ANO5: variants seen among roughly 807,000 people sequenced by gnomAD.
ANO5 encodes the protein anoctamin-5.
A neutral mutation model predicts 121.0 loss-of-function variants in ANO5; 109 were observed. The observed-to-expected ratio is 0.90, with a 90% CI of 0.77 to 1.06. The LOEUF (loss-of-function observed/expected upper bound fraction) is 1.06. Among genes scored for constraint, ANO5 ranks in the 50% least tolerant of loss-of-function variants. The pLI is 0.00. For missense variants in ANO5, 1,064 were observed against 1,078.5 expected (o/e 0.99, Z 0.19); for synonymous variants, 406 against 359.9 (o/e 1.13, Z -1.45).
chr11:22,201,211 A>T (rs1274616527), intron 1 of ANO5, among the ~76,000 whole-genome samples: 1 of 152,150 alleles, frequency 6.6e-6, no homozygotes, highest in Non-Finnish European at 1.5e-5. Context: ...CTCCCTTGTC[A>T]GCTCGCTCAT....
At chr11:22,239,498 A>G in intron 8 of ANO5, 71 bp from the exon 9 acceptor site, 1 of 1,022,748 alleles carries the variant, frequency 9.8e-7, no homozygotes, top group Non-Finnish European at 1.6e-6. Context: ...TTCTTAGAAC[A>G]GCAGTGTTTA....
At chr11:22,228,993 C>A (rs1367072656) in intron 7 of ANO5, among the ~76,000 whole-genome samples, 1 of 151,900 alleles carries the variant, frequency 6.6e-6, no homozygotes, top group Non-Finnish European at 1.5e-5. Context: ...TAGGCATATA[C>A]CCAGTAATGG....
intron 17 of ANO5, among the ~76,000 whole-genome samples, chr11:22,268,475 T>C (rs909304884): frequency 2.6e-5 from 4 of 152,220 alleles, no homozygotes; most frequent in Non-Finnish European, 4.4e-5. Context: ...TGTGGGTGTA[T>C]AGGAATGAAA....
At chr11:22,205,810 A>C (rs573473916) in intron 2 of ANO5, among the ~76,000 whole-genome samples, 5 of 152,130 alleles carry the variant, frequency 3.3e-5, no homozygotes, top group Admixed American at 3.3e-4. Flanking sequence ...TAGATACCAA[A>C]AAGATAATAA....
chr11:22,207,865 C>A (rs575177704), intron 2 of ANO5, among the ~76,000 whole-genome samples: 15 of 151,736 alleles, frequency 9.9e-5, no homozygotes, highest in African/African-American at 3.6e-4. Context: ...AGAAAGTGGG[C>A]AAAATACATA....
intron 3 of ANO5, among the ~76,000 whole-genome samples, chr11:22,216,514 T>C (rs527948211): frequency 6.6e-6 from 1 of 152,012 alleles, no homozygotes; most frequent in African/African-American, 2.4e-5. Flanking sequence ...ACTGTTCAAA[T>C]CTTTTCTGCA....
At chr11:22,251,555 T>C (rs192076745) in intron 12 of ANO5, among the ~76,000 whole-genome samples, 2 of 152,198 alleles carry the variant, frequency 1.3e-5, no homozygotes, top group African/African-American at 4.8e-5. Context: ...AGTTAAAGTG[T>C]CATGAAGTTT....
intron 1 of ANO5, among the ~76,000 whole-genome samples, chr11:22,198,512 G>A (rs889068744): frequency 2.6e-5 from 4 of 152,012 alleles, no homozygotes; most frequent in Admixed American, 6.6e-5. Flanking sequence ...TAAATGCATC[G>A]CATCAAATTT....
intron 5 of ANO5, among the ~76,000 whole-genome samples, chr11:22,223,257 A>G (rs188608668): frequency 1.3e-5 from 2 of 152,172 alleles, no homozygotes; most frequent in East Asian, 3.9e-4. Context: ...CAGTGAAATG[A>G]TAAAAAGCAA....
intron 15 of ANO5, among the ~76,000 whole-genome samples, chr11:22,260,713 C>T (rs1410557916): frequency 6.6e-6 from 1 of 152,122 alleles, no homozygotes; most frequent in Non-Finnish European, 1.5e-5. Context: ...TTATCTGTGT[C>T]TTTAAAATAA....
chr11:22,196,531 T>C (rs1469704842), intron 1 of ANO5, among the ~76,000 whole-genome samples: 1 of 149,598 alleles, frequency 6.7e-6, no homozygotes, highest in Non-Finnish European at 1.5e-5. Context: ...AACATTCCAG[T>C]GGATTTTTAG....
chr11:22,227,562 T>C lies in ANO5; in HGVS notation c.624T>C (p.Phe208=). The C allele has an allele frequency of 6.2e-7, 1 of 1,613,446 alleles. No homozygotes were observed. The highest frequency in any genetic ancestry group is 1.7e-4 in the Middle Eastern group (1 of 6,052). Residue 208 remains phenylalanine (F), a synonymous_variant, in exon 7 of 22, where the codon TTT becomes TTC. Transcript: ENST00000324559. ...LFLIEDQATF[F]PSSSRNRIVY... ...TCATCGAAGATCAGGCAACCTTCTTTCCATCCTCATCAAGAAACAGAATTG... is the reference window on the plus strand; with the variant it reads ...TCATCGAAGATCAGGCAACCTTCTTCCCATCCTCATCAAGAAACAGAATTG...
intron 19 of ANO5, among the ~76,000 whole-genome samples, chr11:22,274,192 A>ACACACACACACACC (rs57239068): frequency 1.4e-5 from 2 of 146,246 alleles, no homozygotes; most frequent in South Asian, 4.3e-4. Flanking sequence ...ACACACACAC[A>ACACACACACACACC]CCCGCAGTCC....
intron 14 of ANO5, among the ~76,000 whole-genome samples, chr11:22,258,705 T>C (rs1854082488): frequency 6.6e-6 from 1 of 152,230 alleles, no homozygotes; most frequent in Admixed American, 6.5e-5. Flanking sequence ...TGATCTTGAT[T>C]CTACATCTTT....
chr11:22,246,366 C>T (rs748567495), intron 9 of ANO5, among the ~76,000 whole-genome samples: 1 of 152,128 alleles, frequency 6.6e-6, no homozygotes, highest in Admixed American at 6.6e-5. Context: ...CTTCACCTCT[C>T]TCCTGTGTCT....
intron 2 of ANO5, 38 bp downstream of exon 2, chr11:22,203,888 C>G: frequency 1.5e-6 from 2 of 1,334,730 alleles, no homozygotes; most frequent in Non-Finnish European, 2.1e-6. Flanking sequence ...CCTTATAAGT[C>G]AGAATAAAAA....
rs1853359096 is a variant in ANO5 at position 22,239,639 on chromosome 11, C to T, written c.833C>T (p.Ala278Val). 1 of 1,612,748 alleles carries T rather than the reference C, an allele frequency of 6.2e-7. No individual in the cohort carries two copies. The highest frequency in any genetic ancestry group is 8.5e-7 in the Non-Finnish European group (1 of 1,178,986). Residue 278 changes from alanine to valine, a missense_variant, in exon 9 of 22, where the codon GCT becomes GTT. By Grantham distance (64) the Ala-to-Val change is moderately conservative. Coordinates refer to ENST00000324559, the MANE Select transcript of ANO5 (RefSeq NM_213599.3). ...NERYTLHQNW[A>V]RFSYFYKEQP... ...AGATACACACTTCACCAGAATTGGG[C>T]TCGATTTTCCTATTTCTACAAGGAG...
intron 21 of ANO5, among the ~76,000 whole-genome samples, chr11:22,276,815 G>A (rs1262304444): frequency 1.3e-5 from 2 of 151,460 alleles, no homozygotes; most frequent in Non-Finnish European, 3.0e-5. Flanking sequence ...GGGCAAGAAG[G>A]CCTATCAGGG....
chr11:22,282,313 T>C lies in ANO5; in HGVS notation c.*2548T>C, dbSNP rs1447060356. The C allele has an allele frequency of 4.6e-5, 7 of 152,218 alleles. No homozygotes were observed. Among genetic ancestry groups the C allele is most frequent in the African/African-American group, 1.7e-4 (7 of 41,454 alleles). 9.4% of individuals were successfully genotyped at this position (152,218 alleles called of 1,614,324 possible). A position where few individuals can be genotyped will look rare whatever the true frequency, so the allele number is the denominator to read the frequency against. ...TCATCCTTGCCTTCGTCAACTTTCC[T>C]TTGCACACAGGAAGCAAAATCTACT... On this transcript the variant is annotated 3_prime_UTR_variant, in exon 22 of 22. Coordinates refer to ENST00000324559, the MANE Select transcript of ANO5 (RefSeq NM_213599.3).
Sources: allele counts gnomAD v4.1 joint callset (sites outside exome capture counted in the v4.1 genomes callset), GRCh38; gene constraint gnomAD v4.1.1; transcripts MANE v1.5; gene names NCBI Gene and HGNC (gene_info 2026-07-23, HGNC 2026-07-21).